ABCB5: variants seen among roughly 807,000 people sequenced by gnomAD.
ABCB5 encodes the protein ATP-binding cassette sub-family B member 5.
ABCB5 carries 155 observed loss-of-function variants against 144.2 expected under a neutral mutation model. The ratio of observed to expected loss-of-function variants is 1.08; its 90% CI spans 0.94 to 1.23. The LOEUF (loss-of-function observed/expected upper bound fraction) is 1.23, where lower values mean the gene tolerates loss of function less well. Ranked by LOEUF, ABCB5 falls within the 50% of genes most tolerant of loss-of-function variation. ABCB5 has a pLI of 0.00. For missense variants in ABCB5, 1,830 were observed against 1,520.8 expected (o/e 1.20, Z -3.38); for synonymous variants, 610 against 528.6 (o/e 1.15, Z -2.11).
chr7:20,699,165 A>G (rs769005861), intron 17 of ABCB5, among the ~76,000 whole-genome samples: 4 of 152,254 alleles, frequency 2.6e-5, no homozygotes, highest in Non-Finnish European at 5.9e-5. Context: ...TAACTAGAAG[A>G]CTACTAAGAA....
intron 23 of ABCB5, among the ~76,000 whole-genome samples, chr7:20,734,999 A>C (rs1359765724): frequency 2.0e-5 from 3 of 152,160 alleles, no homozygotes; most frequent in African/African-American, 7.2e-5. Flanking sequence ...TGCAATACCG[A>C]CCAAGAACCA....
Position 20,708,542 on chromosome 7 carries a change from A to G in ABCB5, c.2421+3735A>G, listed in dbSNP as rs367651114. On this transcript the variant is annotated intron_variant, in intron 20 of 27. Transcript: ENST00000404938. ...TTTCAATCTTGGCCTTGAATTCATA[A>G]TATTGCAAAAAACTTTACCACTGCT... Among the ~76,000 whole-genome samples, 34 of 152,304 alleles carry G rather than the reference A, an allele frequency of 2.2e-4. No individual in the cohort carries two copies. In the South Asian group the frequency reaches 6.8e-3, roughly 31 times the overall value.
chr7:20,672,082 T>G (rs1010672545), intron 14 of ABCB5, among the ~76,000 whole-genome samples: 3 of 152,328 alleles, frequency 2.0e-5, no homozygotes, highest in African/African-American at 7.2e-5. Context: ...CATTTTTATG[T>G]GCATATTAAC....
intron 5 of ABCB5, among the ~76,000 whole-genome samples, chr7:20,637,754 C>T (rs548754404): frequency 1.3e-5 from 2 of 152,198 alleles, no homozygotes; most frequent in East Asian, 3.9e-4. Context: ...TTCTAAGCAA[C>T]TTAATCCTTT....
rs906051097 is a variant in ABCB5 at position 20,690,156 on chromosome 7, C to T, written c.2010+4320C>T. Among the ~76,000 whole-genome samples, 6 of 152,176 alleles carry T rather than the reference C, an allele frequency of 3.9e-5. No homozygotes were observed. In the East Asian group the frequency reaches 9.6e-4, roughly 24 times the overall value. ...TCACAACTTTTTCCCCCCATTAACCCTTGATAGAAATGTAACATTTACTTT... is the reference window on the plus strand; with the variant it reads ...TCACAACTTTTTCCCCCCATTAACCTTTGATAGAAATGTAACATTTACTTT... On this transcript the variant is annotated intron_variant, in intron 16 of 27. Transcript: ENST00000404938.
Position 20,623,273 on chromosome 7 carries a change from A to C in ABCB5, c.-13A>C, listed in dbSNP as rs1274880976. ...TTAAAATTGTATTTCAGAAGAAGTA[A>C]ATTGTAAATAAGATGGAAAATTCAG... On this transcript the variant is annotated 5_prime_UTR_variant, in exon 2 of 28. Coordinates refer to ENST00000404938, the MANE Select transcript of ABCB5 (RefSeq NM_001163941.2). 1 of 1,513,484 alleles carries C rather than the reference A, an allele frequency of 6.6e-7. No homozygotes were observed. The highest frequency in any genetic ancestry group is 9.0e-7 in the Non-Finnish European group (1 of 1,112,376). The allele number at this position is 1,513,484 out of a possible 1,614,324, so 93.8% of individuals were successfully genotyped here.
At position 20,658,543 on chromosome 7, in the gene ABCB5, T is replaced by A; in HGVS notation, c.1574T>A (p.Met525Lys). 1 of 1,614,142 alleles carries A rather than the reference T, an allele frequency of 6.2e-7. No homozygotes were observed. The highest frequency in any genetic ancestry group is 8.5e-7 in the Non-Finnish European group (1 of 1,180,014). ...TTGGTAGGGGAAAAAGGAGCTCAAATGAGTGGAGGGCAGAAACAGAGGATC... is the reference window on the plus strand; with the variant it reads ...TTGGTAGGGGAAAAAGGAGCTCAAAAGAGTGGAGGGCAGAAACAGAGGATC... ...NTLVGEKGAQ[M>K]SGGQKQRIAI... The change falls in exon 14 of 28, where the codon ATG (methionine) becomes AAG (lysine). Residue 525 changes from methionine to lysine, a missense_variant. Met to Lys is a moderately conservative substitution (Grantham distance 95). Transcript: ENST00000404938.
At chr7:20,616,635 T>A (rs556720627) in intron 1 of ABCB5, among the ~76,000 whole-genome samples, 1 of 152,366 alleles carries the variant, frequency 6.6e-6, no homozygotes, top group African/African-American at 2.4e-5. Context: ...GGCTGACTGA[T>A]AGATTTTGTG....
chr7:20,667,372 T>A, intron 14 of ABCB5: 15 of 985,440 alleles, frequency 1.5e-5, no homozygotes, highest in Non-Finnish European at 1.8e-5. Flanking sequence ...TCTAACAATA[T>A]AAACCTGTAT....
intron 1 of ABCB5, 101 bp from the exon 2 acceptor site, chr7:20,623,163 CT>C: frequency 4.1e-6 from 3 of 736,928 alleles, no homozygotes; most frequent in South Asian, 3.7e-5. Context: ...GAGATGCTTC[CT>C]TTTTCAAACT....
chr7:20,728,207 C>A, intron 22 of ABCB5, 108 bp from the exon 23 acceptor site: 4 of 1,318,876 alleles, frequency 3.0e-6, no homozygotes, highest in Non-Finnish European at 4.1e-6. Context: ...AATGCCTTTC[C>A]ACCAAATTAT....
chr7:20,672,479 T>C (rs1352823497), intron 14 of ABCB5, among the ~76,000 whole-genome samples: 3 of 152,076 alleles, frequency 2.0e-5, no homozygotes, highest in Non-Finnish European at 4.4e-5. Context: ...AGGTGACAGG[T>C]TGATAGGTGC....
chr7:20,641,300 G>A (rs1354793627), intron 5 of ABCB5, among the ~76,000 whole-genome samples: 1 of 151,510 alleles, frequency 6.6e-6, no homozygotes, highest in Admixed American at 6.6e-5. Context: ...CCAATACATT[G>A]GCATTTTTTT....
chr7:20,641,351 AAACAC>A (rs146481713), intron 5 of ABCB5, among the ~76,000 whole-genome samples: 32,747 of 130,616 alleles, frequency 0.25, 3,625 homozygotes, highest in Non-Finnish European at 0.29. Flanking sequence ...TATTATTGCA[AAACAC>A]ACACACACAC....
At chr7:20,648,938 T>C (rs1026143538) in intron 11 of ABCB5, among the ~76,000 whole-genome samples, 1 of 152,210 alleles carries the variant, frequency 6.6e-6, no homozygotes, top group African/African-American at 2.4e-5. Context: ...GTACAGTATT[T>C]CAAACTACAT....
At chr7:20,714,980 A>T (rs1231349907) in intron 20 of ABCB5, among the ~76,000 whole-genome samples, 1 of 152,160 alleles carries the variant, frequency 6.6e-6, no homozygotes, top group Non-Finnish European at 1.5e-5. Flanking sequence ...ACACTACCCA[A>T]GCTTATACAT....
intron 20 of ABCB5, among the ~76,000 whole-genome samples, chr7:20,717,031 C>A (rs1370658161): frequency 2.0e-5 from 3 of 152,178 alleles, no homozygotes; most frequent in Non-Finnish European, 2.9e-5. Flanking sequence ...ACGCCACACT[C>A]CAGACTGGTC....
intron 15 of ABCB5, among the ~76,000 whole-genome samples, chr7:20,684,103 G>C (rs1003371551): frequency 3.9e-5 from 6 of 152,060 alleles, no homozygotes; most frequent in African/African-American, 1.4e-4. Context: ...GAAGTACTTA[G>C]AATTATTGTT....
intron 12 of ABCB5, among the ~76,000 whole-genome samples, chr7:20,650,942 G>C (rs1784563135): frequency 6.6e-6 from 1 of 152,174 alleles, no homozygotes; most frequent in African/African-American, 2.4e-5. Flanking sequence ...TGGGGTAATT[G>C]GCAATGGCAC....
Sources: allele counts gnomAD v4.1 joint callset (sites outside exome capture counted in the v4.1 genomes callset), GRCh38; gene constraint gnomAD v4.1.1; transcripts MANE v1.5; gene names NCBI Gene and HGNC (gene_info 2026-07-23, HGNC 2026-07-21).